Variants in ADCYAP1R1 observed in about 807,000 individuals in gnomAD.
The protein encoded by ADCYAP1R1 is ADCYAP receptor type I.
Under a neutral mutation model 67.6 loss-of-function variants are expected in ADCYAP1R1, and 44 were observed. The ratio of observed to expected loss-of-function variants is 0.65; its 90% CI spans 0.51 to 0.84. The LOEUF is 0.84. Among genes scored for constraint, ADCYAP1R1 ranks in the 40% least tolerant of loss-of-function variants. The pLI is 0.00. For missense variants in ADCYAP1R1, 477 were observed against 587.9 expected (o/e 0.81, Z 1.95); for synonymous variants, 222 against 219.6 (o/e 1.01, Z -0.10).
chr7:31,104,975 A>T (rs1296561519), intron 15 of ADCYAP1R1, 66 bp downstream of exon 15: 7 of 1,528,356 alleles, frequency 4.6e-6, no homozygotes, highest in Non-Finnish European at 6.4e-6. Flanking sequence ...AGACAGGGGA[A>T]CCACCTGTTG....
At chr7:31,092,963 A>T (rs1796029012) in intron 13 of ADCYAP1R1, among the ~76,000 whole-genome samples, 1 of 152,142 alleles carries the variant, frequency 6.6e-6, no homozygotes, top group Non-Finnish European at 1.5e-5. Flanking sequence ...AGGAAGAGAG[A>T]GAGAGAGAGA....
intron 12 of ADCYAP1R1, among the ~76,000 whole-genome samples, chr7:31,089,691 G>A (rs984058411): frequency 3.9e-5 from 6 of 152,146 alleles, no homozygotes; most frequent in African/African-American, 1.2e-4. Flanking sequence ...CTCTCAATGA[G>A]CAAGGTACAA....
chr7:31,060,283 T>G (rs756925038), intron 1 of ADCYAP1R1, among the ~76,000 whole-genome samples: 2 of 152,258 alleles, frequency 1.3e-5, no homozygotes, highest in Non-Finnish European at 2.9e-5. Context: ...CACCCATATC[T>G]GAATCCAAGT....
intron 14 of ADCYAP1R1, 113 bp from the exon 15 acceptor site, chr7:31,104,755 C>T: frequency 8.2e-7 from 1 of 1,222,830 alleles, no homozygotes; most frequent in Non-Finnish European, 1.2e-6. Context: ...GGCAGGTGCC[C>T]CCATCCAGGT....
chr7:31,106,362 C>T (rs1796646529), intron 15 of ADCYAP1R1, 134 bp from the exon 16 acceptor site: 1 of 1,110,476 alleles, frequency 9.0e-7, no homozygotes, highest in Admixed American at 3.2e-5. Flanking sequence ...TTGAGGGCCG[C>T]AGGCTGCAAC....
At chr7:31,083,128 T>G (rs1404337164) in intron 6 of ADCYAP1R1, among the ~76,000 whole-genome samples, 1 of 152,242 alleles carries the variant, frequency 6.6e-6, no homozygotes, top group Non-Finnish European at 1.5e-5. Flanking sequence ...GTCTTGGTCT[T>G]TGAATGCTGT....
In ADCYAP1R1 at chr7:31,109,641, G is replaced by C. The variant is rs1796779344; in HGVS notation, c.*2957G>C. ...AAAGGACGAAACTCACCCATGGGAG[G>C]CCGAATTCTCCTTGGGATGAAGAAA... On this transcript the variant is annotated 3_prime_UTR_variant, in exon 16 of 16. Transcript: ENST00000304166. 6.6e-6 allele frequency: 1 copy of C among 152,168 alleles called. No homozygotes were observed. The highest frequency in any genetic ancestry group is 2.1e-4 in the South Asian group (1 of 4,826). The allele number at this position is 152,168 out of a possible 1,614,324, so 9.4% of individuals were successfully genotyped here. A position where few individuals can be genotyped will look rare whatever the true frequency, so the allele number is the denominator to read the frequency against.
At position 31,092,641 on chromosome 7, in the gene ADCYAP1R1, T is replaced by C. The variant is rs539067403; in HGVS notation, c.955-3T>C. On this transcript the variant is annotated splice_region_variant and splice_polypyrimidine_tract_variant and intron_variant, in intron 12 of 15. Transcript: ENST00000304166. Reference sequence around the variant, plus strand: ...ATCTGCTTTTTTTTTTTTTGCTCCTTAGGTTAACTTTGTGCTTTTTATTGG... The same window carrying C: ...ATCTGCTTTTTTTTTTTTTGCTCCTCAGGTTAACTTTGTGCTTTTTATTGG... The C allele has an allele frequency of 6.2e-6, 10 of 1,604,810 alleles. No individual in the cohort carries two copies. The highest frequency in any genetic ancestry group is 3.3e-5 in the South Asian group (3 of 89,982).
intron 3 of ADCYAP1R1, among the ~76,000 whole-genome samples, chr7:31,076,212 CT>C (rs1289642616): frequency 3.3e-5 from 5 of 152,354 alleles, no homozygotes; most frequent in Non-Finnish European, 5.9e-5. Flanking sequence ...CTACCAGCAC[CT>C]GCATTCGGTC....
At chr7:31,064,190 G>T (rs578031122) in intron 2 of ADCYAP1R1, among the ~76,000 whole-genome samples, 2 of 152,306 alleles carry the variant, frequency 1.3e-5, no homozygotes, top group East Asian at 3.9e-4. Flanking sequence ...TGGCGAGTAG[G>T]CCCCACTAAA....
Position 31,063,207 on chromosome 7 carries a change from T to C in ADCYAP1R1, c.-58T>C. The C allele has an allele frequency of 6.2e-7, 1 of 1,606,402 alleles. No individual in the cohort carries two copies. Among genetic ancestry groups the C allele is most frequent in the Non-Finnish European group, 8.5e-7 (1 of 1,173,054 alleles). ...CTTCCTCTCTAGCCCAGAGACACAT[T>C]GGGGCTGACCTGCCGCTGCTGTCAG... is the stretch of plus-strand genomic sequence containing the variant. On this transcript the variant is annotated 5_prime_UTR_variant, in exon 2 of 16. Transcript: ENST00000304166.
chr7:31,100,265 A>C (rs1796385518), intron 13 of ADCYAP1R1: 2 of 1,499,466 alleles, frequency 1.3e-6, no homozygotes, highest in Non-Finnish European at 1.8e-6. Context: ...TGGGGGACGC[A>C]TGCTGCCACT....
At chr7:31,090,860 A>T (rs906288122) in intron 12 of ADCYAP1R1, among the ~76,000 whole-genome samples, 1 of 152,342 alleles carries the variant, frequency 6.6e-6, no homozygotes, top group South Asian at 2.1e-4. Context: ...TGCTACTGTG[A>T]ATAGTGCTGT....
At chr7:31,084,304 T>C in intron 7 of ADCYAP1R1, 54 bp downstream of exon 7, 1 of 1,499,430 alleles carries the variant, frequency 6.7e-7, no homozygotes, top group African/African-American at 1.4e-5. Flanking sequence ...CTGAGGAAAT[T>C]TAGGTCAGTA....
At chr7:31,104,978 A>G (rs550047295) in intron 15 of ADCYAP1R1, 69 bp downstream of exon 15, 13 of 1,498,192 alleles carry the variant, frequency 8.7e-6, no homozygotes, top group Non-Finnish European at 9.3e-6. Context: ...CAGGGGAACC[A>G]CCTGTTGGCC....
intron 3 of ADCYAP1R1, among the ~76,000 whole-genome samples, chr7:31,071,434 ATG>A (rs1402220722): frequency 1.3e-5 from 2 of 152,146 alleles, no homozygotes; most frequent in Non-Finnish European, 2.9e-5. Flanking sequence ...AGATGGAGCC[ATG>A]AGGCTTGGAG....
chr7:31,099,621 G>C (rs952129524), intron 13 of ADCYAP1R1, among the ~76,000 whole-genome samples: 1 of 152,186 alleles, frequency 6.6e-6, no homozygotes, highest in African/African-American at 2.4e-5. Flanking sequence ...AGAGGGGAAA[G>C]ACCAGTGGAC....
chr7:31,054,531 A>T (rs1393210741), intron 1 of ADCYAP1R1, among the ~76,000 whole-genome samples: 1 of 152,242 alleles, frequency 6.6e-6, no homozygotes, highest in African/African-American at 2.4e-5. Context: ...GAATAAATAA[A>T]TACACACATG....
chr7:31,079,054 G>A (rs1479130350), intron 4 of ADCYAP1R1, among the ~76,000 whole-genome samples: 1 of 152,226 alleles, frequency 6.6e-6, no homozygotes, highest in Non-Finnish European at 1.5e-5. Flanking sequence ...CAGGTGGGAT[G>A]TAGGGTGAGG....
Sources: allele counts gnomAD v4.1 joint callset (sites outside exome capture counted in the v4.1 genomes callset), GRCh38; gene constraint gnomAD v4.1.1; transcripts MANE v1.5; gene names NCBI Gene and HGNC (gene_info 2026-07-23, HGNC 2026-07-21).